The following CHD7 variants were observed in gnomAD, a reference collection of about 807,000 sequenced individuals.
CHD7 encodes ATP-dependent chromatin remodeler CHD7.
Under a neutral mutation model 307.3 loss-of-function variants are expected in CHD7, and 24 were observed. That is an observed-to-expected ratio of 0.08 (90% confidence interval 0.06 to 0.11). The LOEUF (loss-of-function observed/expected upper bound fraction) is 0.11, where lower values mean the gene tolerates loss of function less well. Ranked by LOEUF, CHD7 falls within the 10% of genes least tolerant of loss-of-function variation. CHD7 has a pLI of 1.00. For synonymous variants in CHD7, 1,363 were observed against 1,349.9 expected, an observed-to-expected ratio of 1.01 and a Z score of -0.21; for missense variants, 3,106 against 3,727.1, an observed-to-expected ratio of 0.83 and a Z score of 4.34.
chr8:60,680,156 C>T (rs1383840956), intron 1 of CHD7, among the ~76,000 whole-genome samples: 2 of 151,784 alleles, frequency 1.3e-5, no homozygotes, highest in Admixed American at 1.3e-4. Flanking sequence ...CCAGGTGGCC[C>T]CCGAGGTGAC....
At chr8:60,693,872 C>T (rs1806324223) in intron 1 of CHD7, among the ~76,000 whole-genome samples, 1 of 152,222 alleles carries the variant, frequency 6.6e-6, no homozygotes, top group Admixed American at 6.5e-5. Flanking sequence ...CCTGTGAGCC[C>T]CCATGGGGAA....
At chr8:60,752,420 T>A (rs1809683929) in intron 2 of CHD7, among the ~76,000 whole-genome samples, 1 of 152,198 alleles carries the variant, frequency 6.6e-6, no homozygotes, top group South Asian at 2.1e-4. Context: ...GCATAGGAAT[T>A]CCACTCTCAC....
chr8:60,801,303 C>T (rs534962117), intron 5 of CHD7, among the ~76,000 whole-genome samples: 8 of 152,100 alleles, frequency 5.3e-5, no homozygotes, highest in Non-Finnish European at 1.0e-4. Context: ...GGCTGGTCCA[C>T]GTAATTAAAC....
chr8:60,861,832 A>T (rs1006560048), intron 35 of CHD7: 4 of 168,162 alleles, frequency 2.4e-5, no homozygotes, highest in African/African-American at 9.6e-5. Context: ...AGACAGTCTC[A>T]TGTTGTTGAT....
In CHD7 at chr8:60,816,437, A is replaced by C; in HGVS notation, c.2549A>C (p.Lys850Thr). The C allele has an allele frequency of 6.2e-7, 1 of 1,610,634 alleles. No individual in the cohort carries two copies. Among genetic ancestry groups the C allele is most frequent in the Non-Finnish European group, 8.5e-7 (1 of 1,178,216 alleles). Residue 850 changes from lysine (K) to threonine (T), a missense_variant, in exon 8 of 38, where the codon AAG becomes ACG. Transcript: ENST00000423902. Reference protein sequence around the residue: ...WASIEDLEKDKRIQQKIKRFK... With the variant: ...WASIEDLEKDTRIQQKIKRFK... ...TCTATAGAAGATCTGGAAAAAGATA[A>C]GAGAATTCAGCAAAAAATTAAACGA...
At chr8:60,681,876 T>C (rs191473383) in intron 1 of CHD7, among the ~76,000 whole-genome samples, 1 of 152,116 alleles carries the variant, frequency 6.6e-6, no homozygotes, top group East Asian at 1.9e-4. Flanking sequence ...TTGAAATGAG[T>C]TTTCAGATAA....
chr8:60,860,601 A>G (rs1805924565), intron 34 of CHD7, among the ~76,000 whole-genome samples: 1 of 151,948 alleles, frequency 6.6e-6, no homozygotes, highest in Admixed American at 6.6e-5. Context: ...TGCCTGGCTA[A>G]TTTTTGTATT....
At chr8:60,834,274 A>C (rs1341660328) in intron 15 of CHD7, among the ~76,000 whole-genome samples, 2 of 152,214 alleles carry the variant, frequency 1.3e-5, no homozygotes, top group Admixed American at 1.3e-4. Flanking sequence ...TTTGTTTTAA[A>C]TGGCTAAAAT....
intron 1 of CHD7, among the ~76,000 whole-genome samples, chr8:60,706,607 A>G (rs554605826): frequency 6.6e-6 from 1 of 152,300 alleles, no homozygotes; most frequent in South Asian, 2.1e-4. Context: ...GCTGTAGCAT[A>G]TAAAAAGACA....
chr8:60,732,127 CAGT>C (rs1342661035), intron 1 of CHD7, among the ~76,000 whole-genome samples: 2 of 152,176 alleles, frequency 1.3e-5, no homozygotes, highest in African/African-American at 4.8e-5. Flanking sequence ...AAAAGAATGT[CAGT>C]GGTGTATATC....
intron 2 of CHD7, among the ~76,000 whole-genome samples, chr8:60,751,192 A>C (rs185522022): frequency 1.3e-5 from 2 of 152,190 alleles, no homozygotes; most frequent in African/African-American, 4.8e-5. Context: ...CCTCACCTCT[A>C]TCCCCTAGCT....
At chr8:60,849,710 G>A (rs1805366896) in intron 25 of CHD7, among the ~76,000 whole-genome samples, 1 of 152,168 alleles carries the variant, frequency 6.6e-6, no homozygotes, top group African/African-American at 2.4e-5. Context: ...GGTCGCGGAG[G>A]TATTCTCAGC....
Position 60,851,293 on chromosome 8 carries a change from A to T in CHD7, c.5639A>T (p.Glu1880Val). Residue 1880 changes from glutamate (E) to valine (V), a missense_variant, in exon 28 of 38, where the codon GAA (glutamate) becomes GTA (valine). Physicochemically the swap from Glu to Val is moderately radical, Grantham distance 121. Coordinates refer to ENST00000423902, the MANE Select transcript of CHD7 (RefSeq NM_017780.4). The stretch of plus-strand genomic sequence containing the variant: ...GCAAATTCTCCTTCAGAGGATAAGG[A>T]AGAATCCATGGAAATACATGCCACA... ...EFANSPSEDK[E>V]ESMEIHATGK... is the part of the protein sequence containing the mutation. 6.4e-7 allele frequency: 1 copy of T among 1,559,308 alleles called. No homozygotes were observed.
rs1805611533 is a variant in CHD7, at chr8:60,854,344, A to C, written c.6776-19A>C. 6.2e-7 allele frequency: 1 copy of C among 1,608,432 alleles called. No homozygotes were observed. The highest frequency in any genetic ancestry group is 1.1e-5 in the South Asian group (1 of 90,560). On this transcript the variant is annotated intron_variant, in intron 31 of 37. Coordinates refer to ENST00000423902, the MANE Select transcript of CHD7 (RefSeq NM_017780.4). ...CTGATACTGTGGTTGTGAGTAATGC[A>C]CATTAACTCATTTCTCAGCAGGAGC...
chr8:60,680,403 G>C (rs1285701457), intron 1 of CHD7, among the ~76,000 whole-genome samples: 1 of 130,006 alleles, frequency 7.7e-6, no homozygotes. Flanking sequence ...GGTCGCGGGG[G>C]GGGGGGGCGG....
At chr8:60,780,667 C>G (rs1325825695) in intron 2 of CHD7, among the ~76,000 whole-genome samples, 1 of 152,188 alleles carries the variant, frequency 6.6e-6, no homozygotes, top group Non-Finnish European at 1.5e-5. Flanking sequence ...GTGGCTTAGT[C>G]TTGGTGCTGT....
chr8:60,860,776 A>G (rs1805932787), intron 34 of CHD7, 128 bp from the exon 35 acceptor site: 1 of 758,134 alleles, frequency 1.3e-6, no homozygotes, highest in Admixed American at 2.8e-5. Context: ...ACAACTAGAC[A>G]TTGTTTCTAG....
chr8:60,746,358 G>A (rs1387292253), intron 2 of CHD7, among the ~76,000 whole-genome samples: 6 of 152,222 alleles, frequency 3.9e-5, no homozygotes, highest in Non-Finnish European at 2.9e-5. Flanking sequence ...ATGTGAGGAG[G>A]ATAATAATAT....
chr8:60,714,332 G>GGCC (rs1336391809), intron 1 of CHD7, among the ~76,000 whole-genome samples: 1 of 151,378 alleles, frequency 6.6e-6, no homozygotes, highest in Non-Finnish European at 1.5e-5. Context: ...AGTGGCTCGG[G>GGCC]GCCGGAGCTG....
Sources: gnomAD v4.1 joint callset for allele counts (sites outside exome capture counted in the v4.1 genomes callset) on GRCh38, gnomAD v4.1.1 for gene constraint, MANE v1.5 for transcripts, NCBI Gene and HGNC (gene_info 2026-07-23, HGNC 2026-07-21) for gene names.